WDR70: variants seen among roughly 807,000 people sequenced by gnomAD.
WDR70 encodes the protein WD repeat-containing protein 70.
A neutral mutation model predicts 88.6 loss-of-function variants in WDR70; 53 were observed. That is an observed-to-expected ratio of 0.60 (90% CI 0.48 to 0.75). The LOEUF (loss-of-function observed/expected upper bound fraction) is 0.75. Among genes scored for constraint, WDR70 ranks in the 30% least tolerant of loss-of-function variants. The pLI is 0.00. For synonymous variants in WDR70, 280 were observed against 270.0 expected (o/e 1.04, Z -0.36); for missense variants, 610 against 823.2 (o/e 0.74, Z 3.17).
intron 10 of WDR70, among the ~76,000 whole-genome samples, chr5:37,607,386 TCTGTA>T (rs1744062920): frequency 6.6e-6 from 1 of 152,216 alleles, no homozygotes; most frequent in South Asian, 2.1e-4. Flanking sequence ...TAATGGTTAA[TCTGTA>T]TTTTGTGATG....
intron 10 of WDR70, among the ~76,000 whole-genome samples, chr5:37,633,605 A>G (rs1237816769): frequency 2.0e-5 from 3 of 152,090 alleles, no homozygotes; most frequent in African/African-American, 7.2e-5. Flanking sequence ...GTTAAAACAT[A>G]TGGAGATTCT....
In WDR70 at chr5:37,581,011, C is replaced by T. The variant is rs183820124; in HGVS notation, c.918-24053C>T. On this transcript the variant is annotated intron_variant, in intron 9 of 17. Coordinates refer to ENST00000265107, the MANE Select transcript of WDR70 (RefSeq NM_018034.4). ...ATTATTAAGAGAAGGTCTTGCTGCT[C>T]GTGAGAAGTTAGGTTATAGATTCAT... 1.9e-3 allele frequency among the ~76,000 whole-genome samples: 288 copies of T among 152,272 alleles called. 1 individual carries two copies. The highest frequency in any genetic ancestry group is 6.6e-3 in the African/African-American group (276 of 41,550).
intron 8 of WDR70, among the ~76,000 whole-genome samples, chr5:37,514,339 C>CATACATACATACATATAT (rs1330415670): frequency 3.5e-5 from 1 of 28,728 alleles, no homozygotes; most frequent in African/African-American, 5.6e-5. Flanking sequence ...TTTAGAACTA[C>CATACATACATACATATAT]ATATATATAT....
intron 9 of WDR70, among the ~76,000 whole-genome samples, chr5:37,578,129 C>T (rs1240785915): frequency 6.6e-6 from 1 of 152,102 alleles, no homozygotes; most frequent in Non-Finnish European, 1.5e-5. Flanking sequence ...AATATAGTTT[C>T]AGTAAAGTGG....
intron 9 of WDR70, among the ~76,000 whole-genome samples, chr5:37,561,161 A>G (rs779986956): frequency 1.5e-4 from 23 of 152,178 alleles, no homozygotes; most frequent in African/African-American, 4.3e-4. Flanking sequence ...GTGATTGGCT[A>G]TTACAGACTT....
chr5:37,727,832 T>A (rs1407592295), intron 17 of WDR70, among the ~76,000 whole-genome samples: 1 of 152,132 alleles, frequency 6.6e-6, no homozygotes, highest in Non-Finnish European at 1.5e-5. Flanking sequence ...CACCTCAGAC[T>A]CCCAAAGTGC....
chr5:37,453,627 G>C (rs1390384204), intron 7 of WDR70, among the ~76,000 whole-genome samples: 2 of 152,214 alleles, frequency 1.3e-5, no homozygotes, highest in Admixed American at 6.5e-5. Flanking sequence ...TTTATGGCCA[G>C]TTTTGGGGCC....
At chr5:37,523,263 G>T (rs1349288723) in intron 9 of WDR70, among the ~76,000 whole-genome samples, 1 of 152,242 alleles carries the variant, frequency 6.6e-6, no homozygotes, top group Non-Finnish European at 1.5e-5. Context: ...ACACAGCTGG[G>T]TACCGCTCTG....
In WDR70 at chr5:37,550,134, G is replaced by A. The variant is rs113582122; in HGVS notation, c.917+33544G>A. 2.6e-5 allele frequency among the ~76,000 whole-genome samples: 4 copies of A among 152,268 alleles called. 1 individual carries two copies. Among genetic ancestry groups the A allele is most frequent in the African/African-American group, 9.6e-5 (4 of 41,568 alleles). On this transcript the variant is annotated intron_variant, in intron 9 of 17. Transcript: ENST00000265107. Reference sequence around the variant, plus strand: ...TCTGCCATGGCCTCCCAGAGCCCTGGGATTACAGGCGTGAACCACTGTGCC... The same window carrying A: ...TCTGCCATGGCCTCCCAGAGCCCTGAGATTACAGGCGTGAACCACTGTGCC...
At chr5:37,656,984 C>A (rs1745572788) in intron 10 of WDR70, among the ~76,000 whole-genome samples, 1 of 152,154 alleles carries the variant, frequency 6.6e-6, no homozygotes, top group South Asian at 2.1e-4. Flanking sequence ...TGGCTTCAGC[C>A]CCCTTTCCCA....
intron 10 of WDR70, among the ~76,000 whole-genome samples, chr5:37,651,411 G>A (rs938136921): frequency 6.6e-6 from 1 of 152,156 alleles, no homozygotes; most frequent in Non-Finnish European, 1.5e-5. Flanking sequence ...TGTGAATAGT[G>A]CTGCAATAAA....
intron 10 of WDR70, among the ~76,000 whole-genome samples, chr5:37,620,973 A>G (rs573173241): frequency 6.6e-6 from 1 of 152,156 alleles, no homozygotes; most frequent in Admixed American, 6.6e-5. Context: ...AAGCAGATGG[A>G]TGTACAAGAT....
intron 6 of WDR70, among the ~76,000 whole-genome samples, chr5:37,440,524 T>C (rs1368306711): frequency 2.6e-5 from 4 of 152,194 alleles, no homozygotes; most frequent in Non-Finnish European, 4.4e-5. Context: ...TTTGTATTTT[T>C]AGTAGAGATG....
intron 10 of WDR70, among the ~76,000 whole-genome samples, chr5:37,691,653 T>C (rs1364064377): frequency 6.6e-6 from 1 of 152,226 alleles, no homozygotes; most frequent in Non-Finnish European, 1.5e-5. Context: ...AAGATGTTCT[T>C]TGAACCAATG....
chr5:37,583,836 A>G (rs2112431497), intron 9 of WDR70, among the ~76,000 whole-genome samples: 1 of 152,352 alleles, frequency 6.6e-6, no homozygotes, highest in South Asian at 2.1e-4. Context: ...AAAAGGTACA[A>G]AATACAAATA....
intron 10 of WDR70, among the ~76,000 whole-genome samples, chr5:37,626,582 C>T (rs575487560): frequency 5.3e-5 from 8 of 152,050 alleles, no homozygotes; most frequent in Middle Eastern, 3.4e-3. Flanking sequence ...CGCTTGTTGT[C>T]GTTGTTGTAT....
At position 37,695,985 on chromosome 5, in the gene WDR70, T is replaced by C. The variant is rs917991818; in HGVS notation, c.1093-1670T>C. On this transcript the variant is annotated intron_variant, in intron 10 of 17. Coordinates refer to ENST00000265107, the MANE Select transcript of WDR70 (RefSeq NM_018034.4). ...GGTCTCTGATTTATTTTTGCCCCTC[T>C]TTTCTCCCTCATTGTCAAGTTTGGG... Among the ~76,000 whole-genome samples the C allele has an allele frequency of 2.0e-5, 3 of 152,320 alleles. No individual in the cohort carries two copies. In the South Asian group the frequency reaches 6.2e-4, roughly 32 times the overall value.
chr5:37,734,127 C>T (rs1458845701), intron 17 of WDR70, among the ~76,000 whole-genome samples: 3 of 152,024 alleles, frequency 2.0e-5, no homozygotes, highest in Non-Finnish European at 4.4e-5. Context: ...TGTACCTCCT[C>T]CTTTCCAATT....
intron 9 of WDR70, among the ~76,000 whole-genome samples, chr5:37,538,033 T>C (rs1741712810): frequency 6.6e-6 from 1 of 152,190 alleles, no homozygotes; most frequent in African/African-American, 2.4e-5. Flanking sequence ...CTGCTTTTCA[T>C]TGCTTTATCT....
Sources: gnomAD v4.1 joint callset for allele counts (sites outside exome capture counted in the v4.1 genomes callset) on GRCh38, gnomAD v4.1.1 for gene constraint, MANE v1.5 for transcripts, NCBI Gene and HGNC (gene_info 2026-07-23, HGNC 2026-07-21) for gene names.